FLT1: variants seen among roughly 807,000 people sequenced by gnomAD.
The protein encoded by FLT1 is fms related receptor tyrosine kinase 1.
FLT1 carries 49 observed loss-of-function variants against 156.3 expected under a neutral mutation model. The ratio of observed to expected loss-of-function variants is 0.31; its 90% CI spans 0.25 to 0.40. The LOEUF (loss-of-function observed/expected upper bound fraction) is 0.40. Among genes scored for constraint, FLT1 ranks in the 10% least tolerant of loss-of-function variants. The pLI is 1.00. For missense variants in FLT1, 1,322 were observed against 1,637.2 expected, an observed-to-expected ratio of 0.81 and a Z score of 3.32; for synonymous variants, 594 against 583.8, an observed-to-expected ratio of 1.02 and a Z score of -0.25.
At chr13:28,432,928 A>C (rs954715590) in intron 6 of FLT1, among the ~76,000 whole-genome samples, 2 of 152,258 alleles carry the variant, frequency 1.3e-5, no homozygotes, top group Non-Finnish European at 2.9e-5. Flanking sequence ...ATGACTGATA[A>C]GTCCTTAATG....
intron 13 of FLT1, 113 bp downstream of exon 13, chr13:28,389,683 T>A (rs1874582797): frequency 6.4e-7 from 1 of 1,570,058 alleles, no homozygotes; most frequent in Non-Finnish European, 8.6e-7. Flanking sequence ...AGACAACTGT[T>A]ACTTTTTAAT....
intron 19 of FLT1, chr13:28,328,175 C>G (rs953756762): frequency 6.6e-6 from 1 of 152,400 alleles, no homozygotes; most frequent in African/African-American, 2.4e-5. Flanking sequence ...TCCAAGAAAA[C>G]TATGAACACA....
intron 10 of FLT1, among the ~76,000 whole-genome samples, chr13:28,410,302 C>T (rs186401837): frequency 4.6e-5 from 7 of 152,156 alleles, no homozygotes; most frequent in East Asian, 1.9e-4. Context: ...GCTGGGTGAG[C>T]GTTAGCTACT....
chr13:28,327,568 C>G lies in FLT1; in HGVS notation c.2708-18G>C, dbSNP rs770939609. 3 of 1,535,180 alleles carry G rather than the reference C, an allele frequency of 2.0e-6. No homozygotes were observed. In the East Asian group the frequency reaches 6.7e-5, roughly 34 times the overall value. ...CAGAGGCCCTGCAGCCAAAACAGCA[C>G]ATGCTCATGCTCAGCCACACCAAGC... On this transcript the variant is annotated intron_variant, in intron 19 of 29. Transcript: ENST00000282397.
intron 12 of FLT1, among the ~76,000 whole-genome samples, chr13:28,391,508 C>T (rs888747655): frequency 1.3e-5 from 2 of 152,258 alleles, no homozygotes; most frequent in African/African-American, 2.4e-5. Flanking sequence ...GTTGTCCTGC[C>T]TTTCCAGGCG....
At chr13:28,313,748 T>C (rs9513071) in intron 25 of FLT1, among the ~76,000 whole-genome samples, 24 of 152,220 alleles carry the variant, frequency 1.6e-4, no homozygotes, top group Non-Finnish European at 3.1e-4. Flanking sequence ...TGAGAAACCC[T>C]AGTTCATATC....
intron 3 of FLT1, among the ~76,000 whole-genome samples, chr13:28,454,207 G>C (rs1195528644): frequency 1.3e-4 from 20 of 152,080 alleles, no homozygotes; most frequent in Admixed American, 1.3e-3. Flanking sequence ...TGTCCAGCAC[G>C]GTGTTTTTCA....
chr13:28,387,201 A>G (rs527821859), intron 13 of FLT1: 65 of 1,037,692 alleles, frequency 6.3e-5, no homozygotes, highest in South Asian at 5.1e-4. Context: ...TCAATTAAAT[A>G]CAAGGTTCAC....
rs757341593 is a variant in FLT1, at chr13:28,427,858, T to C, written c.1170A>G (p.Leu390=). The C allele has an allele frequency of 2.2e-5, 35 of 1,613,846 alleles. No homozygotes were observed. The highest frequency in any genetic ancestry group is 2.8e-5 in the Non-Finnish European group (33 of 1,179,864). ...CCTCTTCAGTTACGTCCTTGATAAT[T>C]AACGAGTAGCCACGAGTCAAATAGC... ...SARYLTRGYS[L]IIKDVTEEDA... Residue 390 remains leucine, a synonymous_variant, in exon 9 of 30, where the codon TTA becomes TTG. Coordinates refer to ENST00000282397, the MANE Select transcript of FLT1 (RefSeq NM_002019.4).
Position 28,467,139 on chromosome 13 carries a change from C to A in FLT1, c.162-10G>T, listed in dbSNP as rs1879894819. 1.2e-6 allele frequency: 2 copies of A among 1,604,786 alleles called. No homozygotes were observed. Among genetic ancestry groups the A allele is most frequent in the African/African-American group, 2.7e-5 (2 of 74,768 alleles). ...ATGGGCTGCTTCCCCCCTGCAATCACAGATAAGAAAACAAAACATATTTAT... is the reference window on the plus strand; with the variant it reads ...ATGGGCTGCTTCCCCCCTGCAATCAAAGATAAGAAAACAAAACATATTTAT... On this transcript the variant is annotated splice_polypyrimidine_tract_variant and intron_variant, in intron 2 of 29. Transcript: ENST00000282397.
chr13:28,473,815 A>AAAGAAAGAAAGAAAGG (rs1566050827), intron 1 of FLT1, among the ~76,000 whole-genome samples: 1 of 128,892 alleles, frequency 7.8e-6, no homozygotes, highest in Non-Finnish European at 1.6e-5. Flanking sequence ...AGAAAGAAAG[A>AAAGAAAGAAAGAAAGG]AAGAAAGAAA....
At chr13:28,435,298 C>T (rs957145533) in intron 4 of FLT1, among the ~76,000 whole-genome samples, 1 of 152,188 alleles carries the variant, frequency 6.6e-6, no homozygotes, top group Non-Finnish European at 1.5e-5. Context: ...TGACTTTCTC[C>T]TTATGCCTTC....
intron 12 of FLT1, among the ~76,000 whole-genome samples, chr13:28,394,057 T>C (rs1874894239): frequency 6.6e-6 from 1 of 152,088 alleles, no homozygotes; most frequent in Admixed American, 6.5e-5. Flanking sequence ...TTTCAAAAAA[T>C]AAACATATGA....
chr13:28,344,007 G>GCCCCCGCCCCCCC (rs755479993), intron 16 of FLT1, among the ~76,000 whole-genome samples: 1 of 146,070 alleles, frequency 6.8e-6, no homozygotes, highest in Non-Finnish European at 1.5e-5. Context: ...ATTCACTCTT[G>GCCCCCGCCCCCCC]CCCCCCACCA....
chr13:28,432,258 TCTC>T (rs72495719), intron 6 of FLT1, among the ~76,000 whole-genome samples: 46,813 of 151,822 alleles, frequency 0.31, 7,655 homozygotes, highest in East Asian at 0.47. Flanking sequence ...TGAGCTTAGT[TCTC>T]CTCTGTGCCA....
intron 10 of FLT1, among the ~76,000 whole-genome samples, chr13:28,411,498 A>G (rs971950699): frequency 6.8e-6 from 1 of 147,730 alleles, no homozygotes; most frequent in Non-Finnish European, 1.5e-5. Context: ...GTGAGCCAAG[A>G]TCATGCCATT....
chr13:28,321,835 G>T (rs1871474548), intron 22 of FLT1, among the ~76,000 whole-genome samples: 1 of 152,252 alleles, frequency 6.6e-6, no homozygotes, highest in Non-Finnish European at 1.5e-5. Context: ...GGTTATCTAA[G>T]ATTTACCAGT....
intron 3 of FLT1, among the ~76,000 whole-genome samples, chr13:28,444,602 G>A (rs545621024): frequency 2.2e-4 from 34 of 152,234 alleles, no homozygotes; most frequent in African/African-American, 7.0e-4. Context: ...CATTCTCCAA[G>A]ATAGACCATA....
At chr13:28,368,555 G>A (rs1240660056) in intron 14 of FLT1, 1 of 1,537,276 alleles carries the variant, frequency 6.5e-7, no homozygotes, top group Non-Finnish European at 8.8e-7. Flanking sequence ...TGATGATGAT[G>A]ATGATGATGA....
Sources: allele counts gnomAD v4.1 joint callset (sites outside exome capture counted in the v4.1 genomes callset), GRCh38; gene constraint gnomAD v4.1.1; transcripts MANE v1.5; gene names NCBI Gene and HGNC (gene_info 2026-07-23, HGNC 2026-07-21).